The following GRM4 variants were observed in gnomAD, a reference collection of about 807,000 sequenced individuals.
The protein encoded by GRM4 is metabotropic glutamate receptor 4.
Under a neutral mutation model 81.7 loss-of-function variants are expected in GRM4, and 28 were observed. That is an observed-to-expected ratio of 0.34 (90% CI 0.25 to 0.47). The LOEUF is 0.47. GRM4 is among the 20% of genes least tolerant of loss of function. The pLI, the probability that GRM4 is intolerant of heterozygous loss-of-function variation, is 1.00. For missense variants in GRM4, 948 were observed against 1,290.0 expected (o/e 0.73, Z 4.06); for synonymous variants, 488 against 528.8 (o/e 0.92, Z 1.06).
rs1364977954 is a variant in GRM4, at chr6:34,111,502, TC to T, written c.520-19404del. On this transcript the variant is annotated intron_variant, in intron 2 of 10. Coordinates refer to ENST00000538487, the MANE Select transcript of GRM4 (RefSeq NM_000841.4). The surrounding 1 kb of genome is among the most constrained non-coding windows in gnomAD (Gnocchi z 5.1). Reference sequence around the variant, plus strand: ...GAGAGTGTTCATAACCCACCCCTGATCTTGCCATCCTGCCCAGCTGCCCATC... The same window carrying T: ...GAGAGTGTTCATAACCCACCCCTGATTTGCCATCCTGCCCAGCTGCCCATC... Among the ~76,000 whole-genome samples the T allele has an allele frequency of 6.6e-6, 1 of 152,204 alleles. No individual in the cohort carries two copies. Among genetic ancestry groups the T allele is most frequent in the Non-Finnish European group, 1.5e-5 (1 of 68,032 alleles).
intron 2 of GRM4, among the ~76,000 whole-genome samples, chr6:34,125,174 C>T (rs1018915535): frequency 1.5e-4 from 23 of 152,138 alleles, no homozygotes; most frequent in African/African-American, 4.3e-4. Flanking sequence ...AGGGTTTCAC[C>T]GTGTTCACCA....
chr6:34,052,507 G>T (rs1279751473), intron 6 of GRM4, among the ~76,000 whole-genome samples: 1 of 152,218 alleles, frequency 6.6e-6, no homozygotes, highest in African/African-American at 2.4e-5. Context: ...GGGAAGGAAT[G>T]GATTTGGCAA....
Position 34,126,438 on chromosome 6 carries a change from C to T in GRM4, c.519+6540G>A, listed in dbSNP as rs191402010. Reference sequence around the variant, plus strand: ...CCACCCCCAACATTTACAGAGCAAGCCCTGTTGGGACAAATCTCTAATGAC... The same window carrying T: ...CCACCCCCAACATTTACAGAGCAAGTCCTGTTGGGACAAATCTCTAATGAC... On this transcript the variant is annotated intron_variant, in intron 2 of 10. Coordinates refer to ENST00000538487, the MANE Select transcript of GRM4 (RefSeq NM_000841.4). 4.0e-3 allele frequency among the ~76,000 whole-genome samples: 605 copies of T among 152,218 alleles called. 4 individuals carry two copies. Among genetic ancestry groups the T allele is most frequent in the African/African-American group, 0.013 (557 of 41,522 alleles).
At chr6:34,052,590 G>A (rs1294726715) in intron 6 of GRM4, among the ~76,000 whole-genome samples, 2 of 152,204 alleles carry the variant, frequency 1.3e-5, no homozygotes, top group Admixed American at 6.5e-5. Context: ...AACAGAGGCC[G>A]ACTATGGAAT....
Position 34,028,370 on chromosome 6 carries a change from G to A in GRM4, c.2443-4C>T. The A allele has an allele frequency of 1.9e-6, 3 of 1,607,912 alleles. No homozygotes were observed. The highest frequency in any genetic ancestry group is 2.5e-6 in the Non-Finnish European group (3 of 1,179,336). The stretch of plus-strand genomic sequence containing the variant: ...GCGTCGTCGTCTGGATGTACAGCTG[G>A]CGGAGGGCACGGTGGCGTCAGAGCA... On this transcript the variant is annotated splice_polypyrimidine_tract_variant and splice_region_variant and intron_variant, in intron 9 of 10. Transcript: ENST00000538487.
chr6:34,145,600 G>A (rs1770896673), intron 1 of GRM4, among the ~76,000 whole-genome samples: 1 of 152,200 alleles, frequency 6.6e-6, no homozygotes, highest in African/African-American at 2.4e-5. Flanking sequence ...GCGAGCGAGA[G>A]AGGGAGCGAG....
chr6:34,044,763 CACATAGACATACACAT>C (rs1765265824), intron 6 of GRM4, among the ~76,000 whole-genome samples: 1 of 132,380 alleles, frequency 7.6e-6, no homozygotes, highest in Non-Finnish European at 1.6e-5. Flanking sequence ...CACATACACA[CACATAGACATACACAT>C]ACACACACAG....
intron 2 of GRM4, among the ~76,000 whole-genome samples, chr6:34,126,768 T>A (rs928902653): frequency 1.3e-5 from 2 of 152,154 alleles, no homozygotes; most frequent in Admixed American, 6.5e-5. Flanking sequence ...CCATTCCCCA[T>A]CCCTCCATGA....
rs1466566749 is a variant in GRM4, at chr6:34,068,552, C to G, written c.737-6524G>C. ...CCCCACCCCACCTGTCTCAAAAAGTCCCCCCTCCATCCTGCAAGGCCAGCC... is the reference window on the plus strand; with the variant it reads ...CCCCACCCCACCTGTCTCAAAAAGTGCCCCCTCCATCCTGCAAGGCCAGCC... On this transcript the variant is annotated intron_variant, in intron 3 of 10. Coordinates refer to ENST00000538487, the MANE Select transcript of GRM4 (RefSeq NM_000841.4). This position sits in a 1 kb window ranked among gnomAD's most constrained non-coding sequence, Gnocchi z 4.2. Among the ~76,000 whole-genome samples, 1 of 152,046 alleles carries G rather than the reference C, an allele frequency of 6.6e-6. No individual in the cohort carries two copies. The highest frequency in any genetic ancestry group is 2.4e-5 in the African/African-American group (1 of 41,382).
chr6:34,106,459 C>T (rs1769132910), intron 2 of GRM4, among the ~76,000 whole-genome samples: 1 of 120,166 alleles, frequency 8.3e-6, no homozygotes, highest in African/African-American at 3.2e-5. Flanking sequence ...GCTCCCTTCT[C>T]ATAGAGTGAA....
At chr6:34,061,746 C>T in intron 4 of GRM4, 147 bp downstream of exon 4, 2 of 768,512 alleles carry the variant, frequency 2.6e-6, no homozygotes, top group Non-Finnish European at 4.3e-6. Context: ...GGTCTCCCTG[C>T]CCACATACCC....
Position 34,070,981 on chromosome 6 carries a change from C to A in GRM4, c.737-8953G>T, listed in dbSNP as rs116210670. ...CCACAAAGATGGGCACAGGGCCATA[C>A]GCACACACTGACAGAGTCACAGATC... On this transcript the variant is annotated intron_variant, in intron 3 of 10. Transcript: ENST00000538487. This position sits in a 1 kb window ranked among gnomAD's most constrained non-coding sequence, Gnocchi z 4.6. 1.3e-5 allele frequency among the ~76,000 whole-genome samples: 2 copies of A among 151,838 alleles called. No homozygotes were observed. Among genetic ancestry groups the A allele is most frequent in the African/African-American group, 4.9e-5 (2 of 41,230 alleles).
At position 34,115,364 on chromosome 6, in the gene GRM4, C is replaced by T. The variant is rs901744111; in HGVS notation, c.519+17614G>A. Reference sequence around the variant, plus strand: ...TTGTTAGCGCAGTAGAGAGAGCAACCGTGTCTCCAGGCTTCAATTAAAATA... The same window carrying T: ...TTGTTAGCGCAGTAGAGAGAGCAACTGTGTCTCCAGGCTTCAATTAAAATA... On this transcript the variant is annotated intron_variant, in intron 2 of 10. Coordinates refer to ENST00000538487, the MANE Select transcript of GRM4 (RefSeq NM_000841.4). The surrounding 1 kb of genome is among the most constrained non-coding windows in gnomAD (Gnocchi z 4.1). 1.3e-5 allele frequency among the ~76,000 whole-genome samples: 2 copies of T among 152,214 alleles called. No individual in the cohort carries two copies. Among genetic ancestry groups the T allele is most frequent in the African/African-American group, 4.8e-5 (2 of 41,438 alleles).
chr6:34,144,491 C>T (rs1338386600), intron 1 of GRM4, among the ~76,000 whole-genome samples: 2 of 152,216 alleles, frequency 1.3e-5, no homozygotes. Context: ...CCCTGAAGTC[C>T]TGGGGCTGCA....
chr6:34,077,638 A>C (rs1767382173), intron 3 of GRM4, among the ~76,000 whole-genome samples: 2 of 150,306 alleles, frequency 1.3e-5, no homozygotes, highest in Admixed American at 6.6e-5. Context: ...ATCCACCCCC[A>C]GCCTCCTCTC....
chr6:34,045,700 G>A (rs1765332404), intron 6 of GRM4, among the ~76,000 whole-genome samples: 2 of 152,224 alleles, frequency 1.3e-5, no homozygotes, highest in South Asian at 2.1e-4. Context: ...GAAGGTGGCA[G>A]TGAAGAGAAA....
At position 34,022,541 on chromosome 6, in the gene GRM4, C is replaced by T; in HGVS notation, c.*280G>A. 1.9e-6 allele frequency: 1 copy of T among 520,304 alleles called. No homozygotes were observed. Among genetic ancestry groups the T allele is most frequent in the East Asian group, 3.3e-5 (1 of 29,956 alleles). The allele number at this position is 520,304 out of a possible 1,614,324, so 32.2% of individuals were successfully genotyped here. Reference sequence around the variant, plus strand: ...AGATCTAGCACTGGGGCCCACACGACCTGAGCCCCTGTGGTTTGGGGCCGG... The same window carrying T: ...AGATCTAGCACTGGGGCCCACACGATCTGAGCCCCTGTGGTTTGGGGCCGG... On this transcript the variant is annotated 3_prime_UTR_variant, in exon 11 of 11. Transcript: ENST00000538487. This position sits in a 1 kb window ranked among gnomAD's most constrained non-coding sequence, Gnocchi z 5.6.
chr6:34,126,620 C>A (rs903717056), intron 2 of GRM4, among the ~76,000 whole-genome samples: 2 of 152,234 alleles, frequency 1.3e-5, no homozygotes, highest in African/African-American at 4.8e-5. Context: ...CTAGTGGGCA[C>A]TGGCTTGACC....
At chr6:34,116,151 G>C (rs1407071735) in intron 2 of GRM4, among the ~76,000 whole-genome samples, 1 of 152,172 alleles carries the variant, frequency 6.6e-6, no homozygotes, top group East Asian at 1.9e-4. Flanking sequence ...AAATCAAAGT[G>C]GGCGAGCTGA....
Sources: allele counts gnomAD v4.1 joint callset (sites outside exome capture counted in the v4.1 genomes callset), GRCh38; gene constraint gnomAD v4.1.1; non-coding constraint Gnocchi (gnomAD v3.1); transcripts MANE v1.5; gene names NCBI Gene and HGNC (gene_info 2026-07-23, HGNC 2026-07-21).